CDC42BPA: variants seen among roughly 807,000 people sequenced by gnomAD.
The protein encoded by CDC42BPA is CDC42 binding protein kinase alpha.
CDC42BPA carries 80 observed loss-of-function variants against 223.5 expected under a neutral mutation model. That is an observed-to-expected ratio of 0.36 (90% CI 0.30 to 0.43). CDC42BPA has a LOEUF of 0.43. Ranked by LOEUF, CDC42BPA falls within the 20% of genes least tolerant of loss-of-function variation. CDC42BPA has a pLI of 1.00. For missense variants in CDC42BPA, 1,743 were observed against 2,099.9 expected (o/e 0.83, Z 3.32); for synonymous variants, 694 against 718.6 (o/e 0.97, Z 0.55).
intron 1 of CDC42BPA, among the ~76,000 whole-genome samples, chr1:227,291,610 A>G (rs1689712992): frequency 6.6e-6 from 1 of 152,130 alleles, no homozygotes; most frequent in Admixed American, 6.6e-5. Context: ...CAACAGTGAG[A>G]CTGAAAGACT....
At chr1:227,090,590 T>G (rs1255725847) in intron 16 of CDC42BPA, among the ~76,000 whole-genome samples, 1 of 152,054 alleles carries the variant, frequency 6.6e-6, no homozygotes, top group East Asian at 1.9e-4. Context: ...GTGGGCGGAT[T>G]GCTTGAGGTC....
chr1:227,151,425 A>G (rs1339499356), intron 6 of CDC42BPA, among the ~76,000 whole-genome samples: 1 of 152,166 alleles, frequency 6.6e-6, no homozygotes, highest in Non-Finnish European at 1.5e-5. Flanking sequence ...ACTGTGAACA[A>G]TGCTGCTCTA....
intron 1 of CDC42BPA, among the ~76,000 whole-genome samples, chr1:227,293,056 G>A (rs532020689): frequency 2.6e-5 from 4 of 152,212 alleles, no homozygotes; most frequent in African/African-American, 7.2e-5. Flanking sequence ...AGATTTAACT[G>A]TATCAAAACA....
At chr1:226,996,869 T>G (rs1476152580) in intron 35 of CDC42BPA, among the ~76,000 whole-genome samples, 1 of 152,240 alleles carries the variant, frequency 6.6e-6, no homozygotes, top group Non-Finnish European at 1.5e-5. Flanking sequence ...TAGTATTTAA[T>G]TGAGGATTTT....
chr1:227,303,914 T>C lies in CDC42BPA; in HGVS notation c.178+13091A>G, dbSNP rs531229476. 1.1e-4 allele frequency among the ~76,000 whole-genome samples: 16 copies of C among 152,378 alleles called. No homozygotes were observed. The South Asian group carries it at 3.3e-3, about 32-fold the overall frequency. On this transcript the variant is annotated intron_variant, in intron 1 of 36. Coordinates refer to ENST00000366766, the MANE Select transcript of CDC42BPA (RefSeq NM_001394014.1). ...CATCATCACCAGACTCTAAAGTTTA[T>C]GATGGACATTGTGCAAATAAAGTTA...
intron 1 of CDC42BPA, among the ~76,000 whole-genome samples, chr1:227,257,539 CAGG>C (rs1052507056): frequency 1.3e-5 from 2 of 150,750 alleles, no homozygotes; most frequent in Non-Finnish European, 2.9e-5. Flanking sequence ...CACCTGAGGT[CAGG>C]AGTTCAAGAC....
At chr1:227,138,533 A>AAAAAAAAG (rs1328549652) in intron 10 of CDC42BPA, among the ~76,000 whole-genome samples, 2 of 151,402 alleles carry the variant, frequency 1.3e-5, no homozygotes, top group East Asian at 3.9e-4. Flanking sequence ...CCAAAAAAAA[A>AAAAAAAAG]AAAAGAGAGC....
intron 5 of CDC42BPA, among the ~76,000 whole-genome samples, chr1:227,175,483 C>T (rs1666793859): frequency 7.5e-6 from 1 of 134,212 alleles, no homozygotes; most frequent in Non-Finnish European, 1.7e-5. Flanking sequence ...GTATCCTATA[C>T]TTTAACACAG....
chr1:227,283,628 G>A (rs1352390598), intron 1 of CDC42BPA, among the ~76,000 whole-genome samples: 1 of 152,182 alleles, frequency 6.6e-6, no homozygotes, highest in African/African-American at 2.4e-5. Context: ...AAAGGAAAGA[G>A]GACAGAAGTA....
In CDC42BPA at chr1:226,991,699, T is replaced by G. The variant is rs1403918532; in HGVS notation, c.*2569A>C. ...CAACCTAGACAAGCCTCAGTAGCTC[T>G]CTCTCTCTGCCCTGTTGGGAGGCTG... On this transcript the variant is annotated 3_prime_UTR_variant, in exon 37 of 37. Coordinates refer to ENST00000366766, the MANE Select transcript of CDC42BPA (RefSeq NM_001394014.1). The G allele has an allele frequency of 2.6e-5, 4 of 152,074 alleles. No homozygotes were observed. The highest frequency in any genetic ancestry group is 4.8e-5 in the African/African-American group (2 of 41,380). 9.4% of individuals were successfully genotyped at this position (152,074 alleles called of 1,614,324 possible).
At position 227,098,926 on chromosome 1, in the gene CDC42BPA, CCATTAGTCCATAATG is replaced by C. The variant is rs552189572; in HGVS notation, c.2249+2051_2249+2065del. Among the ~76,000 whole-genome samples the C allele has an allele frequency of 4.1e-3, 622 of 151,960 alleles. 15 individuals are homozygous for C. Among genetic ancestry groups the C allele is most frequent in the Non-Finnish European group, 1.7e-3 (114 of 67,968 alleles). On this transcript the variant is annotated intron_variant, in intron 15 of 36. Transcript: ENST00000366766. Reference sequence around the variant, plus strand: ...TGACATTTTGATCAACTATGGACTGCCATTAGTCCATAATGCATTAGTCCATAACTGCGTAAATTT... The same window carrying C: ...TGACATTTTGATCAACTATGGACTGCCATTAGTCCATAACTGCGTAAATTT...
chr1:227,220,022 C>T (rs867512491), intron 2 of CDC42BPA, among the ~76,000 whole-genome samples: 5 of 151,916 alleles, frequency 3.3e-5, no homozygotes, highest in Admixed American at 2.6e-4. Context: ...ATCAGTCATG[C>T]GTCAAGTGCT....
Position 227,288,939 on chromosome 1 carries a change from GGGAGAGATCATGT to G in CDC42BPA, c.178+28053_178+28065del, listed in dbSNP as rs1689239877. 3.3e-5 allele frequency among the ~76,000 whole-genome samples: 5 copies of G among 151,792 alleles called. No individual in the cohort carries two copies. The South Asian group carries it at 1.0e-3, about 32-fold the overall frequency. On this transcript the variant is annotated intron_variant, in intron 1 of 36. Coordinates refer to ENST00000366766, the MANE Select transcript of CDC42BPA (RefSeq NM_001394014.1). ...AACCCCAGAGGTGGAGGCTGCAGTG[GGGAGAGATCATGT>G]CATTGTACTCCAGCCTGGGCAAAAA...
rs558321203 is a variant in CDC42BPA at position 227,059,294 on chromosome 1, G to T, written c.2905-7309C>A. ...TAATATACCACAAAAACATTAACAG[G>T]TTCCGCAATCACAGGCAAAAGGATG... is the stretch of plus-strand genomic sequence containing the variant. On this transcript the variant is annotated intron_variant, in intron 21 of 36. Coordinates refer to ENST00000366766, the MANE Select transcript of CDC42BPA (RefSeq NM_001394014.1). 75 of 1,168,844 alleles carry T rather than the reference G, an allele frequency of 6.4e-5. No homozygotes were observed. The Middle Eastern group carries it at 3.6e-3, about 56-fold the overall frequency. 72.4% of individuals were successfully genotyped at this position (1,168,844 alleles called of 1,614,324 possible). A position where few individuals can be genotyped will look rare whatever the true frequency, so the allele number is the denominator to read the frequency against.
intron 33 of CDC42BPA, 24 bp from the exon 34 acceptor site, chr1:227,016,221 G>GAT (rs1440606331): frequency 1.6e-6 from 2 of 1,254,552 alleles, no homozygotes; most frequent in Non-Finnish European, 2.3e-6. Flanking sequence ...CATCTGTTTA[G>GAT]ATACTTTTTC....
intron 1 of CDC42BPA, among the ~76,000 whole-genome samples, chr1:227,311,999 C>T (rs1325639186): frequency 6.6e-6 from 1 of 152,212 alleles, no homozygotes; most frequent in Non-Finnish European, 1.5e-5. Flanking sequence ...GTCAACATAG[C>T]ATAGCTGCAC....
chr1:227,239,077 GT>G (rs1679580656), intron 2 of CDC42BPA, among the ~76,000 whole-genome samples: 1 of 152,110 alleles, frequency 6.6e-6, no homozygotes, highest in South Asian at 2.1e-4. Context: ...TCTAGACAAT[GT>G]AATATTATTC....
intron 5 of CDC42BPA, among the ~76,000 whole-genome samples, chr1:227,171,565 C>T (rs939310187): frequency 2.6e-5 from 4 of 151,980 alleles, no homozygotes; most frequent in Admixed American, 2.0e-4. Context: ...TGTAGTGAGC[C>T]GTGACGATGC....
chr1:227,031,713 C>T (rs1185203700), intron 27 of CDC42BPA, among the ~76,000 whole-genome samples, 199 bp from the exon 28 acceptor site: 1 of 152,056 alleles, frequency 6.6e-6, no homozygotes, highest in Non-Finnish European at 1.5e-5. Flanking sequence ...GTGGCAGACA[C>T]CATTTGAAAT....
Sources: allele counts gnomAD v4.1 joint callset (sites outside exome capture counted in the v4.1 genomes callset), GRCh38; gene constraint gnomAD v4.1.1; transcripts MANE v1.5; gene names NCBI Gene and HGNC (gene_info 2026-07-23, HGNC 2026-07-21).